Variants in KCTD20 observed in about 807,000 individuals in gnomAD.
The protein encoded by KCTD20 is potassium channel tetramerization domain containing 20.
KCTD20 carries 30 observed loss-of-function variants against 39.6 expected under a neutral mutation model. The ratio of observed to expected loss-of-function variants is 0.76; its 90% CI spans 0.57 to 1.03. The LOEUF is 1.03. Among genes scored for constraint, KCTD20 ranks in the 50% least tolerant of loss-of-function variants. The pLI is 0.00. For missense variants in KCTD20, 422 were observed against 522.0 expected, an observed-to-expected ratio of 0.81 and a Z score of 1.87; for synonymous variants, 162 against 180.6, an observed-to-expected ratio of 0.90 and a Z score of 0.83.
Position 36,474,887 on chromosome 6 carries a change from A to C in KCTD20, c.259A>C (p.Asn87His). 1 of 1,614,196 alleles carries C rather than the reference A, an allele frequency of 6.2e-7. No homozygotes were observed. The highest frequency in any genetic ancestry group is 8.5e-7 in the Non-Finnish European group (1 of 1,180,034). Residue 87 changes from asparagine to histidine, a missense_variant, in exon 3 of 8, where the codon AAT (asparagine) becomes CAT (histidine). Physicochemically the swap from Asn to His is moderately conservative, Grantham distance 68 (BLOSUM62 1). Transcript: ENST00000373731. The part of the protein sequence containing the change: ...DIKGSCFQSG[N>H]KRNHEPFIAP... Reference sequence around the variant, plus strand: ...CAAAGGTTCTTGCTTCCAAAGTGGGAATAAACGGAACCATGAACCTTTTAT... The same window carrying C: ...CAAAGGTTCTTGCTTCCAAAGTGGGCATAAACGGAACCATGAACCTTTTAT...
intron 1 of KCTD20, among the ~76,000 whole-genome samples, chr6:36,458,561 GAAAA>G (rs768070242): frequency 2.3e-4 from 31 of 137,098 alleles, no homozygotes; most frequent in Admixed American, 4.3e-4. Flanking sequence ...AAAAAAAAAA[GAAAA>G]GAAAGAAAGG....
At chr6:36,478,600 A>G (rs1344132650) in intron 3 of KCTD20, among the ~76,000 whole-genome samples, 1 of 152,208 alleles carries the variant, frequency 6.6e-6, no homozygotes, top group African/African-American at 2.4e-5. Flanking sequence ...AAGCATTAAC[A>G]TAGCTGCATC....
chr6:36,443,725 T>G (rs1774947135), intron 1 of KCTD20: 1 of 152,246 alleles, frequency 6.6e-6, no homozygotes, highest in African/African-American at 2.4e-5. Context: ...TTTATAGCAG[T>G]GTCTTCAGGT....
chr6:36,480,672 C>T (rs1776217529), intron 5 of KCTD20, among the ~76,000 whole-genome samples: 1 of 152,098 alleles, frequency 6.6e-6, no homozygotes, highest in Non-Finnish European at 1.5e-5. Flanking sequence ...AGCAATTCTC[C>T]TGCCAGAGCA....
intron 1 of KCTD20, among the ~76,000 whole-genome samples, chr6:36,467,318 ATTTTTTTTTTTTTTTTTTTTTT>A (rs775332647): frequency 2.0e-4 from 6 of 29,848 alleles, no homozygotes; most frequent in South Asian, 1.8e-3. Flanking sequence ...ATCCTTCAGG[ATTTTTTTTTTTTTTTTTTTTTT>A]TTTTTTTTTT....
At chr6:36,454,364 T>TG (rs764751168) in intron 1 of KCTD20, among the ~76,000 whole-genome samples, 42 of 149,006 alleles carry the variant, frequency 2.8e-4, no homozygotes, top group Middle Eastern at 7.0e-3. Flanking sequence ...TTTTTTGAGA[T>TG]GGAGTCTCGC....
At chr6:36,477,092 G>A (rs1334909083) in intron 3 of KCTD20, among the ~76,000 whole-genome samples, 1 of 152,180 alleles carries the variant, frequency 6.6e-6, no homozygotes, top group South Asian at 2.1e-4. Flanking sequence ...GAATTGGCAA[G>A]GTCGTAAATT....
intron 1 of KCTD20, among the ~76,000 whole-genome samples, chr6:36,461,913 G>T (rs943865743): frequency 6.6e-6 from 1 of 152,156 alleles, no homozygotes; most frequent in South Asian, 2.1e-4. Context: ...AGAGGAGTAC[G>T]AGCTTTCCTG....
intron 1 of KCTD20, among the ~76,000 whole-genome samples, chr6:36,464,112 G>A (rs149309165): frequency 1.1e-3 from 163 of 152,250 alleles, no homozygotes; most frequent in Admixed American, 2.2e-3. Flanking sequence ...TACATCCTTA[G>A]TGGGATATGC....
rs1554158508 is a variant in KCTD20 at position 36,448,013 on chromosome 6, GTGTA to G, written c.-47+4904_-47+4907del. Among the ~76,000 whole-genome samples, 17 of 128,940 alleles carry G rather than the reference GTGTA, an allele frequency of 1.3e-4. 1 individual carries two copies. The highest frequency in any genetic ancestry group is 3.6e-4 in the African/African-American group (11 of 30,830). 84.6% of individuals were successfully genotyped at this position (128,940 alleles called of 152,430 possible). ...CTCCAAAATATATGTGTATGTGTGTGTGTATATATATATATATATATATATATTT... is the reference window on the plus strand; with the variant it reads ...CTCCAAAATATATGTGTATGTGTGTGTATATATATATATATATATATATTT... On this transcript the variant is annotated intron_variant, in intron 1 of 7. Transcript: ENST00000373731.
chr6:36,455,277 A>G (rs747011388), intron 1 of KCTD20, among the ~76,000 whole-genome samples: 1 of 152,132 alleles, frequency 6.6e-6, no homozygotes, highest in Middle Eastern at 3.4e-3. Context: ...GTGTGGTGGC[A>G]GGTGTCTGTA....
At chr6:36,485,528 TC>T (rs1776391746) in intron 7 of KCTD20, among the ~76,000 whole-genome samples, 1 of 134,528 alleles carries the variant, frequency 7.4e-6, no homozygotes, top group African/African-American at 2.8e-5. Context: ...GGAGTCTCAC[TC>T]TGTCGCCCAG....
At chr6:36,483,939 A>ATTTT (rs148413365) in intron 6 of KCTD20, among the ~76,000 whole-genome samples, 1 of 135,964 alleles carries the variant, frequency 7.4e-6, no homozygotes, top group Non-Finnish European at 1.6e-5. Context: ...GTGAGGCTGA[A>ATTTT]TTTTTTTTTT....
In KCTD20 at chr6:36,479,767, T is replaced by G. The variant is rs1371442140; in HGVS notation, c.658+56T>G. 4 of 1,398,278 alleles carry G rather than the reference T, an allele frequency of 2.9e-6. No homozygotes were observed. The East Asian group carries it at 9.6e-5, about 34-fold the overall frequency. The allele number at this position is 1,398,278 out of a possible 1,614,324, so 86.6% of individuals were successfully genotyped here. ...TAAGCAGCTGAACTTTCAGTTTTCT[T>G]GGAAGTCACCGATTTTTTTTTTTTT... On this transcript the variant is annotated intron_variant, in intron 5 of 7. Transcript: ENST00000373731.
At chr6:36,466,252 G>A (rs1197909531) in intron 1 of KCTD20, among the ~76,000 whole-genome samples, 1 of 151,574 alleles carries the variant, frequency 6.6e-6, no homozygotes, top group Non-Finnish European at 1.5e-5. Flanking sequence ...TAGTAGAGAC[G>A]GGGTTTCACC....
At chr6:36,486,858 T>A (rs1232771568) in intron 7 of KCTD20, 25 bp from the exon 8 acceptor site, 2 of 1,593,232 alleles carry the variant, frequency 1.3e-6, no homozygotes, top group Admixed American at 1.7e-5. Context: ...TTGTTAGTCA[T>A]GAGAATGGCC....
chr6:36,487,411 A>T lies in KCTD20; in HGVS notation c.*236A>T, dbSNP rs184519517. On this transcript the variant is annotated 3_prime_UTR_variant, in exon 8 of 8. Transcript: ENST00000373731. ...TGCAGCAGCCCTGGTAACTTGAAAA[A>T]TTTGGGTCTGGTGCTGTTCATTGAG... The T allele has an allele frequency of 9.3e-5, 49 of 525,374 alleles. No individual in the cohort carries two copies. In the East Asian group the frequency reaches 1.5e-3, roughly 16 times the overall value. 32.5% of individuals were successfully genotyped at this position (525,374 alleles called of 1,614,324 possible). A position where few individuals can be genotyped will look rare whatever the true frequency, so the allele number is the denominator to read the frequency against.
chr6:36,484,033 G>A (rs1055203962), intron 6 of KCTD20, among the ~76,000 whole-genome samples: 3 of 151,024 alleles, frequency 2.0e-5, no homozygotes, highest in African/African-American at 7.3e-5. Flanking sequence ...TCTGCCTCCA[G>A]GGTTCAAGTG....
chr6:36,482,362 G>A (rs1296393708), intron 6 of KCTD20, among the ~76,000 whole-genome samples: 1 of 150,270 alleles, frequency 6.7e-6, no homozygotes, highest in Non-Finnish European at 1.5e-5. Flanking sequence ...GACCAGTCTG[G>A]CCAACATAGT....
Sources: allele counts gnomAD v4.1 joint callset (sites outside exome capture counted in the v4.1 genomes callset), GRCh38; gene constraint gnomAD v4.1.1; transcripts MANE v1.5; gene names NCBI Gene and HGNC (gene_info 2026-07-23, HGNC 2026-07-21).